Variants in OLFM4 observed in about 807,000 individuals in gnomAD.
OLFM4 encodes olfactomedin 4.
A neutral mutation model predicts 25.5 loss-of-function variants in OLFM4; 22 were observed. The observed-to-expected ratio is 0.86, with a 90% CI of 0.62 to 1.23. OLFM4 has a LOEUF of 1.23. OLFM4 is among the 50% of genes most tolerant of loss of function. The pLI is 0.00. For missense variants in OLFM4, 594 were observed against 619.4 expected (o/e 0.96, Z 0.44); for synonymous variants, 255 against 237.7 (o/e 1.07, Z -0.67).
intron 1 of OLFM4, among the ~76,000 whole-genome samples, chr13:53,031,501 G>T (rs1165041548): frequency 6.6e-6 from 1 of 152,082 alleles, no homozygotes; most frequent in Non-Finnish European, 1.5e-5. Flanking sequence ...TGCCTCAGAC[G>T]TCTCCCTCCT....
chr13:53,035,320 AT>A (rs80104065), intron 2 of OLFM4, among the ~76,000 whole-genome samples: 13 of 149,494 alleles, frequency 8.7e-5, no homozygotes, highest in South Asian at 2.1e-4. Context: ...TTTTAATCTT[AT>A]TTTTTTTTGG....
intron 3 of OLFM4, 146 bp downstream of exon 3, chr13:53,042,268 T>G (rs1385201841): frequency 4.2e-6 from 3 of 714,802 alleles, no homozygotes; most frequent in Non-Finnish European, 7.1e-6. Flanking sequence ...CACTATGTTC[T>G]GTTTTGGATA....
intron 4 of OLFM4, among the ~76,000 whole-genome samples, chr13:53,045,139 A>G (rs1402301267): frequency 6.6e-6 from 1 of 152,156 alleles, no homozygotes; most frequent in Non-Finnish European, 1.5e-5. Flanking sequence ...GTCAGGCAGC[A>G]GTAATCCAAG....
Position 53,050,130 on chromosome 13 carries a change from A to G in OLFM4, c.892A>G (p.Arg298Gly). The change falls in exon 5 of 5, where the codon AGA (arginine) becomes GGA (glycine). Residue 298 changes from arginine (R) to glycine (G), a missense_variant. Coordinates refer to ENST00000219022, the MANE Select transcript of OLFM4 (RefSeq NM_006418.5). ...YWVAPLNTDG[R>G]LLEYYRLYNT... ...GGTGGCGCCATTGAATACAGATGGGAGACTGTTGGAGTATTATAGACTGTA... is the reference window on the plus strand; with the variant it reads ...GGTGGCGCCATTGAATACAGATGGGGGACTGTTGGAGTATTATAGACTGTA... 2 of 1,613,892 alleles carry G rather than the reference A, an allele frequency of 1.2e-6. No homozygotes were observed. The highest frequency in any genetic ancestry group is 1.7e-6 in the Non-Finnish European group (2 of 1,179,938).
At position 53,047,167 on chromosome 13, in the gene OLFM4, AGTGTCAGG is replaced by A. The variant is rs545236904; in HGVS notation, c.731-2798_731-2791del. ...TGATTGGGCAATGGGCTGTTGCCCA[AGTGTCAGG>A]GTGAAATTGGGATGGAAACTGGGTA... On this transcript the variant is annotated intron_variant, in intron 4 of 4. Transcript: ENST00000219022. 2.6e-5 allele frequency among the ~76,000 whole-genome samples: 4 copies of A among 152,346 alleles called. No homozygotes were observed. The South Asian group carries it at 8.3e-4, about 32-fold the overall frequency.
rs933839911 is a variant in OLFM4 at position 53,051,172 on chromosome 13, T to C, written c.*401T>C. The C allele has an allele frequency of 2.5e-5, 4 of 159,390 alleles. No homozygotes were observed. Among genetic ancestry groups the C allele is most frequent in the African/African-American group, 9.6e-5 (4 of 41,730 alleles). 9.9% of individuals were successfully genotyped at this position (159,390 alleles called of 1,614,324 possible). On this transcript the variant is annotated 3_prime_UTR_variant, in exon 5 of 5. Transcript: ENST00000219022. ...GTCCTCATCCATGTAGCACCACTAA[T>C]TCTTCCATGCCTGGAAGAAACCTGG...
chr13:53,036,397 A>G (rs764495950), intron 2 of OLFM4, among the ~76,000 whole-genome samples: 1 of 152,238 alleles, frequency 6.6e-6, no homozygotes, highest in African/African-American at 2.4e-5. Context: ...AGTGGAAACT[A>G]CTGATTTACA....
At chr13:53,043,304 C>T (rs776678539) in intron 4 of OLFM4, 40 bp downstream of exon 4, 3 of 1,494,304 alleles carry the variant, frequency 2.0e-6, no homozygotes, top group East Asian at 2.4e-5. Flanking sequence ...TGCCAGACCC[C>T]ATAAGGAGCT....
chr13:53,043,077 A>ATTTTT, intron 3 of OLFM4, 28 bp from the exon 4 acceptor site: 1 of 1,553,176 alleles, frequency 6.4e-7, no homozygotes, highest in Non-Finnish European at 8.7e-7. Context: ...CCATAATATA[A>ATTTTT]AGTCACTCTG....
In OLFM4 at chr13:53,041,893, T is replaced by C; in HGVS notation, c.358-17T>C. The stretch of plus-strand genomic sequence containing the variant: ...ACTACTCAGGGAATTGGCTTGAACC[T>C]TTTGATTTTCTTTCAGGTGAGGGAA... On this transcript the variant is annotated splice_polypyrimidine_tract_variant and intron_variant, in intron 2 of 4. Coordinates refer to ENST00000219022, the MANE Select transcript of OLFM4 (RefSeq NM_006418.5). 1 of 1,601,394 alleles carries C rather than the reference T, an allele frequency of 6.2e-7. No homozygotes were observed. Among genetic ancestry groups the C allele is most frequent in the Non-Finnish European group, 8.6e-7 (1 of 1,168,656 alleles).
At position 53,034,502 on chromosome 13, in the gene OLFM4, T is replaced by G. The variant is rs758381192; in HGVS notation, c.357+2T>G. 6.2e-7 allele frequency: 1 copy of G among 1,602,848 alleles called. No individual in the cohort carries two copies. Among genetic ancestry groups the G allele is most frequent in the South Asian group, 1.1e-5 (1 of 87,910 alleles). ...AAGTTTGAGAAAGAACTTTCCAAAG[T>G]AAGCATTTTCTTTTCAAACAATATC... On this transcript the variant is annotated splice_donor_variant, in intron 2 of 4. Transcript: ENST00000219022. LOFTEE classifies it high-confidence loss of function.
At chr13:53,037,881 CT>C (rs1272373202) in intron 2 of OLFM4, among the ~76,000 whole-genome samples, 24 of 152,318 alleles carry the variant, frequency 1.6e-4, no homozygotes, top group Admixed American at 1.5e-3. Context: ...CAGATTAATT[CT>C]TTAGCTTGCT....
chr13:53,031,275 G>A (rs1954627624), intron 1 of OLFM4, among the ~76,000 whole-genome samples: 1 of 152,114 alleles, frequency 6.6e-6, no homozygotes, highest in African/African-American at 2.4e-5. Flanking sequence ...TCAGCTTGAT[G>A]AGCTCTTTGG....
intron 4 of OLFM4, among the ~76,000 whole-genome samples, chr13:53,046,691 C>A (rs1162456063): frequency 2.0e-5 from 3 of 152,162 alleles, no homozygotes; most frequent in Non-Finnish European, 4.4e-5. Flanking sequence ...GACATCTAAA[C>A]CTCCAGTTGT....
chr13:53,043,307 A>T (rs1954697806), intron 4 of OLFM4, 43 bp downstream of exon 4: 1 of 1,485,880 alleles, frequency 6.7e-7, no homozygotes, highest in Non-Finnish European at 9.0e-7. Context: ...CAGACCCCAT[A>T]AGGAGCTGTG....
At position 53,050,702 on chromosome 13, in the gene OLFM4, GA is replaced by G; in HGVS notation, c.1467del (p.Lys489AsnfsTer11). On this transcript the variant is annotated frameshift_variant, in exon 5 of 5. Transcript: ENST00000219022. LOFTEE classifies it high-confidence loss of function. ...QSINYNPFDQ[K>X]LYVYNDGYLL... Reference sequence around the variant, plus strand: ...GCATTAACTATAACCCTTTTGACCAGAAACTTTATGTCTATAACGATGGTTA... The same window carrying G: ...GCATTAACTATAACCCTTTTGACCAGAACTTTATGTCTATAACGATGGTTA... 1 of 1,613,340 alleles carries G rather than the reference GA, an allele frequency of 6.2e-7. No homozygotes were observed. The highest frequency in any genetic ancestry group is 8.5e-7 in the Non-Finnish European group (1 of 1,179,768).
At chr13:53,029,517 C>T (rs976945221) in intron 1 of OLFM4, among the ~76,000 whole-genome samples, 3 of 152,180 alleles carry the variant, frequency 2.0e-5, no homozygotes, top group Non-Finnish European at 4.4e-5. Context: ...GGCAGGATCC[C>T]GGAATGGTGA....
In OLFM4 at chr13:53,034,250, G is replaced by C. The variant is rs917695989; in HGVS notation, c.205-98G>C. 16 of 1,131,094 alleles carry C rather than the reference G, an allele frequency of 1.4e-5. No individual in the cohort carries two copies. In the Admixed American group the frequency reaches 3.3e-4, roughly 23 times the overall value. 70.1% of individuals were successfully genotyped at this position (1,131,094 alleles called of 1,614,324 possible). ...TTTATGTATTGGACTCCACTTACTT[G>C]CCTGTAAGTACTCTCGACAAGCCAA... On this transcript the variant is annotated intron_variant, in intron 1 of 4. Coordinates refer to ENST00000219022, the MANE Select transcript of OLFM4 (RefSeq NM_006418.5).
At position 53,051,285 on chromosome 13, in the gene OLFM4, G is replaced by GTT. The variant is rs1954747140; in HGVS notation, c.*514_*515insTT. The GTT allele has an allele frequency of 6.6e-6, 1 of 152,594 alleles. No homozygotes were observed. The highest frequency in any genetic ancestry group is 6.5e-5 in the Admixed American group (1 of 15,276). The allele number at this position is 152,594 out of a possible 1,614,324, so 9.5% of individuals were successfully genotyped here. ...TCCCCTCACTAGCACCTGGAATGAT[G>GTT]CTTTGTATGTGGCAGATAAGTAAAT... On this transcript the variant is annotated 3_prime_UTR_variant, in exon 5 of 5. Transcript: ENST00000219022.
Sources: allele counts gnomAD v4.1 joint callset (sites outside exome capture counted in the v4.1 genomes callset), GRCh38; gene constraint gnomAD v4.1.1; transcripts MANE v1.5; gene names NCBI Gene and HGNC (gene_info 2026-07-23, HGNC 2026-07-21).